Variants in DUSP16 observed in about 807,000 individuals in gnomAD.
DUSP16 encodes dual specificity protein phosphatase 16.
In DUSP16, 21 loss-of-function variants were observed where a neutral mutation model predicts 58.3. The ratio of observed to expected loss-of-function variants is 0.36; its 90% CI spans 0.26 to 0.52. The LOEUF (loss-of-function observed/expected upper bound fraction) is 0.52, where lower values mean the gene tolerates loss of function less well. DUSP16 is among the 20% of genes least tolerant of loss of function. DUSP16 has a pLI of 0.94. For synonymous variants in DUSP16, 320 were observed against 323.8 expected, an observed-to-expected ratio of 0.99 and a Z score of 0.12; for missense variants, 726 against 819.0, an observed-to-expected ratio of 0.89 and a Z score of 1.39.
chr12:12,473,573 C>A lies in DUSP16; in HGVS notation c.*3260G>T, dbSNP rs765256476. Reference sequence around the variant, plus strand: ...GATAGCTCTTCTAGTCTAGCTCACCCGGCCCAATCTTTCTTATAAATTTTC... The same window carrying A: ...GATAGCTCTTCTAGTCTAGCTCACCAGGCCCAATCTTTCTTATAAATTTTC... On this transcript the variant is annotated 3_prime_UTR_variant, in exon 7 of 7. Transcript: ENST00000298573. 6.6e-6 allele frequency among the ~76,000 whole-genome samples: 1 copy of A among 152,136 alleles called. No individual in the cohort carries two copies. The highest frequency in any genetic ancestry group is 1.5e-5 in the Non-Finnish European group (1 of 68,034).
intron 1 of DUSP16, among the ~76,000 whole-genome samples, chr12:12,550,737 G>C (rs1254303696): frequency 6.6e-6 from 1 of 152,078 alleles, no homozygotes; most frequent in Non-Finnish European, 1.5e-5. Flanking sequence ...GCTGGGGTCT[G>C]TTGGGGATTG....
chr12:12,543,251 G>A (rs1944592381), intron 1 of DUSP16, among the ~76,000 whole-genome samples: 1 of 152,154 alleles, frequency 6.6e-6, no homozygotes, highest in African/African-American at 2.4e-5. Context: ...GTTGACAACT[G>A]TACTGTGGGT....
At chr12:12,495,315 T>C (rs934065863) in intron 4 of DUSP16, among the ~76,000 whole-genome samples, 2 of 151,100 alleles carry the variant, frequency 1.3e-5, no homozygotes, top group African/African-American at 4.9e-5. Flanking sequence ...TGGTGTTAAG[T>C]AGGGAAATTA....
At position 12,477,472 on chromosome 12, in the gene DUSP16, C is replaced by T. The variant is rs139164615; in HGVS notation, c.1359G>A (p.Glu453=). 5.3e-5 allele frequency: 85 copies of T among 1,597,748 alleles called. No homozygotes were observed. The highest frequency in any genetic ancestry group is 7.1e-5 in the Non-Finnish European group (83 of 1,171,188). The part of the protein sequence containing the change: ...CQFSPVQELS[E]QTPETSPDKE... ...TATCAGGACTGGTTTCGGGAGTCTG[C>T]TCCGATAGTTCCTGAACAGGGGAGA... Residue 453 remains glutamate, a synonymous_variant, in exon 7 of 7, where the codon GAG becomes GAA. Coordinates refer to ENST00000298573, the MANE Select transcript of DUSP16 (RefSeq NM_030640.3). This position sits in a 1 kb window ranked among gnomAD's most constrained non-coding sequence, Gnocchi z 4.1.
intron 1 of DUSP16, among the ~76,000 whole-genome samples, chr12:12,549,389 T>C (rs1422845408): frequency 1.3e-5 from 2 of 152,158 alleles, no homozygotes; most frequent in East Asian, 1.9e-4. Context: ...CCTAGTCCCA[T>C]TCTTCCAGGC....
intron 1 of DUSP16, among the ~76,000 whole-genome samples, chr12:12,521,807 T>C (rs1944241411): frequency 6.6e-6 from 1 of 152,142 alleles, no homozygotes; most frequent in African/African-American, 2.4e-5. Context: ...TTCCAAATAG[T>C]TTTCCTATAT....
chr12:12,529,570 A>G (rs1944355606), intron 1 of DUSP16, among the ~76,000 whole-genome samples: 1 of 152,118 alleles, frequency 6.6e-6, no homozygotes, highest in Non-Finnish European at 1.5e-5. Flanking sequence ...CACTCCTTGA[A>G]TTTTTCAGGA....
intron 1 of DUSP16, among the ~76,000 whole-genome samples, chr12:12,554,054 T>G (rs1944772332): frequency 6.6e-6 from 1 of 151,536 alleles, no homozygotes; most frequent in Non-Finnish European, 1.5e-5. Context: ...AAAAATTAGC[T>G]GGTGTGGTGG....
intron 3 of DUSP16, among the ~76,000 whole-genome samples, chr12:12,510,139 C>A (rs1944054219): frequency 6.6e-6 from 1 of 152,032 alleles, no homozygotes; most frequent in Non-Finnish European, 1.5e-5. Flanking sequence ...TAATATATCT[C>A]CATGGCTCAG....
chr12:12,529,172 T>C (rs183018359), intron 1 of DUSP16, among the ~76,000 whole-genome samples: 31 of 152,334 alleles, frequency 2.0e-4, no homozygotes, highest in Admixed American at 1.6e-3. Flanking sequence ...AATGCAGTGC[T>C]ATGATCTCAG....
chr12:12,493,729 C>T (rs1353942601), intron 4 of DUSP16, among the ~76,000 whole-genome samples: 1 of 152,152 alleles, frequency 6.6e-6, no homozygotes, highest in Non-Finnish European at 1.5e-5. Flanking sequence ...AAATGGCTTA[C>T]TCTTTGACCT....
chr12:12,534,697 C>T (rs1944440415), intron 1 of DUSP16, among the ~76,000 whole-genome samples: 1 of 152,134 alleles, frequency 6.6e-6, no homozygotes. Context: ...TGCCAAGTCC[C>T]TTGATGTACT....
chr12:12,487,243 T>C, intron 4 of DUSP16, 56 bp from the exon 5 acceptor site: 2 of 1,547,590 alleles, frequency 1.3e-6, no homozygotes, highest in South Asian at 2.3e-5. Context: ...AACATGATCA[T>C]TCTGAAAGAG....
intron 5 of DUSP16, among the ~76,000 whole-genome samples, chr12:12,486,802 G>GT (rs1943691408): frequency 6.6e-6 from 1 of 152,182 alleles, no homozygotes; most frequent in South Asian, 2.1e-4. Context: ...AACCTTGGTG[G>GT]TGTTAAATGT....
intron 1 of DUSP16, among the ~76,000 whole-genome samples, chr12:12,541,157 C>G (rs781501280): frequency 1.3e-5 from 2 of 151,830 alleles, no homozygotes; most frequent in Non-Finnish European, 2.9e-5. Flanking sequence ...TGGAGTTTCA[C>G]CATGTTGCCC....
chr12:12,478,827 T>C lies in DUSP16; in HGVS notation c.816-812A>G, dbSNP rs539539108. Among the ~76,000 whole-genome samples the C allele has an allele frequency of 1.2e-4, 19 of 152,336 alleles. No individual in the cohort carries two copies. In the South Asian group the frequency reaches 3.9e-3, roughly 32 times the overall value. ...ACAAAAAGAAGATGGTATCAGATGATCAAAGTATCAAAGCAACACTTCTTT... is the reference window on the plus strand; with the variant it reads ...ACAAAAAGAAGATGGTATCAGATGACCAAAGTATCAAAGCAACACTTCTTT... On this transcript the variant is annotated intron_variant, in intron 6 of 6. Coordinates refer to ENST00000298573, the MANE Select transcript of DUSP16 (RefSeq NM_030640.3).
At chr12:12,499,172 T>C (rs1943874742) in intron 4 of DUSP16, among the ~76,000 whole-genome samples, 1 of 152,248 alleles carries the variant, frequency 6.6e-6, no homozygotes. Flanking sequence ...GGTTAAGGTT[T>C]ACCAGGATTA....
chr12:12,517,927 A>T (rs752736476), intron 3 of DUSP16, among the ~76,000 whole-genome samples: 27 of 152,212 alleles, frequency 1.8e-4, no homozygotes, highest in Non-Finnish European at 3.5e-4. Context: ...TGACATAGCT[A>T]ATCAGGCAGT....
chr12:12,496,840 G>A (rs1284238338), intron 4 of DUSP16, among the ~76,000 whole-genome samples: 1 of 152,210 alleles, frequency 6.6e-6, no homozygotes, highest in Non-Finnish European at 1.5e-5. Context: ...AACACACTCT[G>A]AGAAACAAAG....
Sources: allele counts gnomAD v4.1 joint callset (sites outside exome capture counted in the v4.1 genomes callset), GRCh38; gene constraint gnomAD v4.1.1; non-coding constraint Gnocchi (gnomAD v3.1); transcripts MANE v1.5; gene names NCBI Gene and HGNC (gene_info 2026-07-23, HGNC 2026-07-21).